SNRPE: variants seen among roughly 807,000 people sequenced by gnomAD.
SNRPE encodes the protein small nuclear ribonucleoprotein polypeptide E.
For synonymous variants in SNRPE, 35 were observed against 36.7 expected, an observed-to-expected ratio of 0.95 and a Z score of 0.17; for missense variants, 53 against 111.6, an observed-to-expected ratio of 0.48 and a Z score of 2.36.
chr1:203,863,807 A>AT (rs1690029703), intron 3 of SNRPE, 82 bp downstream of exon 3: 2 of 962,362 alleles, frequency 2.1e-6, no homozygotes, highest in South Asian at 3.0e-5. Flanking sequence ...AGAACAGTGT[A>AT]TAAAAAGTCA....
chr1:203,862,187 G>A lies in SNRPE; in HGVS notation c.55-9G>A. The A allele has an allele frequency of 1.2e-6, 2 of 1,608,766 alleles. 1 individual carries two copies. Among genetic ancestry groups the A allele is most frequent in the South Asian group, 2.2e-5 (2 of 90,960 alleles). The stretch of plus-strand genomic sequence containing the variant: ...CTTTTGTATTTTTTCCTTAGCCACT[G>A]TGGTGCAGAACCTCATCTTCAGATA... On this transcript the variant is annotated splice_polypyrimidine_tract_variant and intron_variant, in intron 1 of 4. Transcript: ENST00000414487.
intron 4 of SNRPE, among the ~76,000 whole-genome samples, chr1:203,867,095 C>T (rs970214149): frequency 7.7e-6 from 1 of 129,630 alleles, no homozygotes; most frequent in Non-Finnish European, 1.6e-5. Context: ...ATGGTGAAAC[C>T]CTGTCTTTCC....
chr1:203,868,858 C>T (rs1040376480), intron 4 of SNRPE, among the ~76,000 whole-genome samples: 14 of 151,954 alleles, frequency 9.2e-5, no homozygotes, highest in Admixed American at 3.3e-4. Context: ...TAGTAGAAGA[C>T]GGGGTGTCAC....
At chr1:203,867,602 C>G (rs1023051913) in intron 4 of SNRPE, among the ~76,000 whole-genome samples, 1 of 152,110 alleles carries the variant, frequency 6.6e-6, no homozygotes, top group Non-Finnish European at 1.5e-5. Flanking sequence ...CCTCTTTGCC[C>G]GGTTCACAAT....
At position 203,869,987 on chromosome 1, in the gene SNRPE, T is replaced by C. The variant is rs1371879401; in HGVS notation, c.*55T>C. ...GAAGGATACAGTTTGTTTTTAGATG[T>C]CCTTTGTCCAATGTGAACATTTATT... On this transcript the variant is annotated 3_prime_UTR_variant, in exon 5 of 5. Transcript: ENST00000414487. 4 of 1,140,168 alleles carry C rather than the reference T, an allele frequency of 3.5e-6. No individual in the cohort carries two copies. The highest frequency in any genetic ancestry group is 3.9e-6 in the Non-Finnish European group (3 of 774,350). 70.6% of individuals were successfully genotyped at this position (1,140,168 alleles called of 1,614,324 possible).
intron 1 of SNRPE, 87 bp from the exon 2 acceptor site, chr1:203,862,109 G>A (rs1400035080): frequency 1.9e-6 from 2 of 1,065,612 alleles, no homozygotes; most frequent in African/African-American, 1.6e-5. Flanking sequence ...AGTAAACAAA[G>A]GTGAGACGGG....
intron 4 of SNRPE, among the ~76,000 whole-genome samples, chr1:203,865,912 G>A (rs976007809): frequency 5.9e-5 from 9 of 152,222 alleles, no homozygotes; most frequent in Admixed American, 4.6e-4. Context: ...GAAGGGATGC[G>A]AAGCTTTTGT....
intron 3 of SNRPE, 143 bp from the exon 4 acceptor site, chr1:203,864,898 A>AAAAAC (rs1690057303): frequency 1.3e-5 from 6 of 449,152 alleles, no homozygotes; most frequent in Non-Finnish European, 1.6e-5. Flanking sequence ...AAAAAAAAAA[A>AAAAAC]AAACTTTGGG....
rs1230903111 is a variant in SNRPE, at chr1:203,870,969, T to A, written c.*1037T>A. 6.6e-6 allele frequency among the ~76,000 whole-genome samples: 1 copy of A among 152,234 alleles called. No homozygotes were observed. Among genetic ancestry groups the A allele is most frequent in the Non-Finnish European group, 1.5e-5 (1 of 68,028 alleles). On this transcript the variant is annotated 3_prime_UTR_variant, in exon 5 of 5. Transcript: ENST00000414487. ...GAAGTCTGGCTCCTGCTTTTCTACA[T>A]GCCTGTGAAGGAGACTTTTCATGAA...
rs960986135 is a variant in SNRPE at position 203,861,958 on chromosome 1, G to T, written c.55-238G>T. The T allele has an allele frequency of 6.5e-6, 4 of 611,002 alleles. No homozygotes were observed. In the African/African-American group the frequency reaches 7.4e-5, roughly 11 times the overall value. The allele number at this position is 611,002 out of a possible 1,614,324, so 37.8% of individuals were successfully genotyped here. A position where few individuals can be genotyped will look rare whatever the true frequency, so the allele number is the denominator to read the frequency against. On this transcript the variant is annotated intron_variant, in intron 1 of 4. Transcript: ENST00000414487. ...AAAAGGAGGGAAGAGAACTTCAGGT[G>T]CGGAGTGAAAACGGGAGTTAACGGT...
intron 4 of SNRPE, among the ~76,000 whole-genome samples, chr1:203,866,226 T>C (rs1216036428): frequency 6.6e-6 from 1 of 152,248 alleles, no homozygotes; most frequent in Admixed American, 6.5e-5. Flanking sequence ...CTAAGGATTT[T>C]AGGAGTTGTA....
Position 203,870,296 on chromosome 1 carries a change from A to T in SNRPE, c.*364A>T, listed in dbSNP as rs1690189088. 5.8e-6 allele frequency: 1 copy of T among 173,318 alleles called. No homozygotes were observed. Among genetic ancestry groups the T allele is most frequent in the South Asian group, 1.7e-4 (1 of 5,826 alleles). 10.7% of individuals were successfully genotyped at this position (173,318 alleles called of 1,614,324 possible). A position where few individuals can be genotyped will look rare whatever the true frequency, so the allele number is the denominator to read the frequency against. On this transcript the variant is annotated 3_prime_UTR_variant, in exon 5 of 5. Coordinates refer to ENST00000414487, the MANE Select transcript of SNRPE (RefSeq NM_003094.4). The stretch of plus-strand genomic sequence containing the variant: ...GGAGAAGGGGAGGGTTCAGAAAAAT[A>T]AATAAGAGTTATTGCACTAACAAAA...
At chr1:203,867,676 G>A (rs984185532) in intron 4 of SNRPE, among the ~76,000 whole-genome samples, 9 of 152,232 alleles carry the variant, frequency 5.9e-5, no homozygotes, top group African/African-American at 2.2e-4. Flanking sequence ...GAGCCCAGGC[G>A]GGAATACTAG....
At chr1:203,862,273 AT>A in intron 2 of SNRPE, 51 bp downstream of exon 2, 1 of 1,355,042 alleles carries the variant, frequency 7.4e-7, no homozygotes, top group Non-Finnish European at 1.1e-6. Context: ...AGGTGAACTG[AT>A]TTAGTTTTTT....
At chr1:203,864,886 A>AT (rs1690056110) in intron 3 of SNRPE, among the ~76,000 whole-genome samples, 155 bp from the exon 4 acceptor site, 2 of 35,702 alleles carry the variant, frequency 5.6e-5, no homozygotes, top group Admixed American at 2.3e-4. Context: ...CAAAAAAAAA[A>AT]AAAAAAAAAA....
At position 203,870,766 on chromosome 1, in the gene SNRPE, G is replaced by T. The variant is rs576977653; in HGVS notation, c.*834G>T. On this transcript the variant is annotated 3_prime_UTR_variant, in exon 5 of 5. Coordinates refer to ENST00000414487, the MANE Select transcript of SNRPE (RefSeq NM_003094.4). ...TCTAGTTAGAATCCTGTTAGATAGT[G>T]AGCATCTGCTGTTAGCTAGACACTG... is the stretch of plus-strand genomic sequence containing the variant. Among the ~76,000 whole-genome samples, 70 of 152,352 alleles carry T rather than the reference G, an allele frequency of 4.6e-4. No homozygotes were observed. Among genetic ancestry groups the T allele is most frequent in the Middle Eastern group, 3.4e-3 (1 of 294 alleles).
At chr1:203,863,948 A>G (rs181978180) in intron 3 of SNRPE, among the ~76,000 whole-genome samples, 3 of 152,196 alleles carry the variant, frequency 2.0e-5, no homozygotes, top group Admixed American at 2.0e-4. Context: ...GTCTATGTTG[A>G]GAAGAAAATT....
At chr1:203,863,588 G>A (rs1572402999) in intron 2 of SNRPE, 75 bp from the exon 3 acceptor site, 1 of 987,646 alleles carries the variant, frequency 1.0e-6, no homozygotes, top group South Asian at 1.3e-5. Context: ...GAAAGTGCTG[G>A]GATTACAGGC....
intron 4 of SNRPE, among the ~76,000 whole-genome samples, chr1:203,867,427 A>G (rs1328133646): frequency 6.6e-6 from 1 of 152,116 alleles, no homozygotes; most frequent in African/African-American, 2.4e-5. Context: ...TATTATTATT[A>G]CATTGTAATA....
Sources: allele counts gnomAD v4.1 joint callset (sites outside exome capture counted in the v4.1 genomes callset), GRCh38; gene constraint gnomAD v4.1.1; transcripts MANE v1.5; gene names NCBI Gene and HGNC (gene_info 2026-07-23, HGNC 2026-07-21).